USP6: variants seen among roughly 807,000 people sequenced by gnomAD.
USP6 encodes the protein ubiquitin specific peptidase 6, also known as ubiquitin carboxyl-terminal hydrolase 6.
A neutral mutation model predicts 175.7 loss-of-function variants in USP6; 128 were observed. The ratio of observed to expected loss-of-function variants is 0.73; its 90% CI spans 0.63 to 0.84. USP6 has a LOEUF of 0.84. Among genes scored for constraint, USP6 ranks in the 40% least tolerant of loss-of-function variants. The pLI is 0.00. For synonymous variants in USP6, 562 were observed against 630.6 expected (o/e 0.89, Z 1.63); for missense variants, 1,498 against 1,760.3 (o/e 0.85, Z 2.67).
At chr17:5,122,675 CG>C (rs554682320) in intron 4 of USP6, among the ~76,000 whole-genome samples, 62 of 152,298 alleles carry the variant, frequency 4.1e-4, no homozygotes, top group African/African-American at 1.4e-3. Context: ...CCGCCCTTCC[CG>C]GGAACAAAAG....
chr17:5,122,417 T>C (rs2072707289), intron 4 of USP6, among the ~76,000 whole-genome samples: 1 of 152,206 alleles, frequency 6.6e-6, no homozygotes, highest in Admixed American at 6.5e-5. Flanking sequence ...CAGCTGGCAG[T>C]ATCCTGGAGT....
chr17:5,164,597 T>C (rs1381913428), intron 33 of USP6, among the ~76,000 whole-genome samples: 3 of 152,364 alleles, frequency 2.0e-5, no homozygotes, highest in East Asian at 3.9e-4. Context: ...ATCCTGCTTA[T>C]AGGAAACGGC....
At position 5,173,103 on chromosome 17, in the gene USP6, T is replaced by C; in HGVS notation, c.*125T>C. The C allele has an allele frequency of 8.2e-7, 1 of 1,226,424 alleles. No homozygotes were observed. Among genetic ancestry groups the C allele is most frequent in the Non-Finnish European group, 1.1e-6 (1 of 894,638 alleles). 76.0% of individuals were successfully genotyped at this position (1,226,424 alleles called of 1,614,324 possible). ...TTATTTTATCCTGTTAGAACAAAAA[T>C]TCTAATTAAAATAGTTAACTTGAAG... is the stretch of plus-strand genomic sequence containing the variant. On this transcript the variant is annotated 3_prime_UTR_variant, in exon 38 of 38. Coordinates refer to ENST00000574788, the MANE Select transcript of USP6 (RefSeq NM_001304284.2).
chr17:5,129,494 C>T (rs2072993995), intron 8 of USP6: 1 of 152,636 alleles, frequency 6.6e-6, no homozygotes, highest in Non-Finnish European at 1.5e-5. Flanking sequence ...GTGAAGGAGC[C>T]CTGGAGAGCT....
chr17:5,146,185 C>G lies in USP6; in HGVS notation c.2319+11C>G, dbSNP rs1415132239. 3.1e-6 allele frequency: 5 copies of G among 1,597,404 alleles called. No individual in the cohort carries two copies. The highest frequency in any genetic ancestry group is 4.3e-6 in the Non-Finnish European group (5 of 1,170,900). The stretch of plus-strand genomic sequence containing the variant: ...GATTCCAACATAAAGGTAATGTTAA[C>G]TACTCTAAGAAACTTTTGATTCTAT... On this transcript the variant is annotated intron_variant, in intron 28 of 37. Transcript: ENST00000574788.
intron 8 of USP6, chr17:5,129,715 A>G (rs1481303488): frequency 1.3e-5 from 2 of 154,768 alleles, no homozygotes; most frequent in Non-Finnish European, 2.9e-5. Flanking sequence ...GGGACAGCTC[A>G]GAATGGTGGA....
At chr17:5,156,074 T>C (rs2073877608) in intron 31 of USP6, among the ~76,000 whole-genome samples, 1 of 152,256 alleles carries the variant, frequency 6.6e-6, no homozygotes, top group African/African-American at 2.4e-5. Context: ...AATAATTCTG[T>C]TGGATTATTT....
intron 11 of USP6, among the ~76,000 whole-genome samples, chr17:5,131,719 A>G (rs2073074598): frequency 6.6e-6 from 1 of 151,018 alleles, no homozygotes; most frequent in Non-Finnish European, 1.5e-5. Flanking sequence ...TGGTGCTGGG[A>G]AGGGATCTGG....
intron 30 of USP6, among the ~76,000 whole-genome samples, chr17:5,153,450 C>T (rs2073817506): frequency 6.6e-6 from 1 of 150,412 alleles, no homozygotes; most frequent in African/African-American, 2.5e-5. Context: ...CCACGCCCGG[C>T]TAATTTTGTA....
chr17:5,150,365 A>G (rs2073735312), intron 30 of USP6, among the ~76,000 whole-genome samples: 1 of 151,502 alleles, frequency 6.6e-6, no homozygotes, highest in African/African-American at 2.4e-5. Context: ...TAGGGCTTCT[A>G]GATCAAGTAA....
chr17:5,163,960 A>C (rs1280570971), intron 33 of USP6, among the ~76,000 whole-genome samples: 1 of 152,234 alleles, frequency 6.6e-6, no homozygotes, highest in Non-Finnish European at 1.5e-5. Flanking sequence ...CTTCAGAAAT[A>C]ATTTTAATTC....
chr17:5,133,261 A>T (rs1385580708), intron 13 of USP6, among the ~76,000 whole-genome samples, 182 bp from the exon 14 acceptor site: 3 of 152,010 alleles, frequency 2.0e-5, no homozygotes, highest in Admixed American at 2.0e-4. Context: ...TTCGGATCAG[A>T]GTTTAGACTC....
At chr17:5,119,775 TGA>T (rs1226487812) in intron 2 of USP6, among the ~76,000 whole-genome samples, 2 of 152,164 alleles carry the variant, frequency 1.3e-5, no homozygotes, top group Non-Finnish European at 2.9e-5. Flanking sequence ...GCACTACAAG[TGA>T]CTCACAGCCA....
chr17:5,141,483 AATAG>A lies in USP6; in HGVS notation c.1563_1566del (p.Arg522LysfsTer12), dbSNP rs368680364. The A allele has an allele frequency of 1.2e-3, 1,928 of 1,605,438 alleles. 20 individuals carry two copies. The African/African-American group carries it at 0.022, about 18-fold the overall frequency. On this transcript the variant is annotated frameshift_variant, in exon 23 of 38. Coordinates refer to ENST00000574788, the MANE Select transcript of USP6 (RefSeq NM_001304284.2). LOFTEE classifies it high-confidence loss of function. ...TGTCTTTTACAGCAAATAGTAGTAA[AATAG>A]ATAGACAAAAGGGTAAGTCTCCAGT...
At chr17:5,128,687 CG>C (rs1343915565) in intron 7 of USP6, 1 of 152,610 alleles carries the variant, frequency 6.6e-6, no homozygotes, top group African/African-American at 2.4e-5. Context: ...GGCATGTTGA[CG>C]CCTCAGGCAG....
At position 5,144,852 on chromosome 17, in the gene USP6, G is replaced by T; in HGVS notation, c.1981G>T (p.Val661Leu). The T allele has an allele frequency of 6.3e-7, 1 of 1,599,368 alleles. No individual in the cohort carries two copies. Among genetic ancestry groups the T allele is most frequent in the Non-Finnish European group, 8.6e-7 (1 of 1,169,024 alleles). Residue 661 changes from valine (V) to leucine (L), a missense_variant, in exon 26 of 38, where the codon GTA (valine) becomes TTA (leucine). By Grantham distance (32) the Val-to-Leu change is conservative (BLOSUM62 1). This residue lies in a region of USP6 where 1,217 missense variants were observed against 1,500.8 expected (regional missense o/e 0.81). Transcript: ENST00000574788. ...KDSDGRPDWE[V>L]AAEAWDNHLR... ...CAGTGATGGCCGACCAGACTGGGAA[G>T]TAGCTGCAGAGGTTTGTCAGTTTTG...
In USP6 at chr17:5,121,629, T is replaced by C; in HGVS notation, c.-1420T>C. ...CATCAGAAGCATGGAGCAGCAGCTG[T>C]GCGAGCTCTGCTGCGACGCGGAGCA... On this transcript the variant is annotated 5_prime_UTR_variant, in exon 4 of 38. Coordinates refer to ENST00000574788, the MANE Select transcript of USP6 (RefSeq NM_001304284.2). 1 of 160,966 alleles carries C rather than the reference T, an allele frequency of 6.2e-6. No homozygotes were observed. The highest frequency in any genetic ancestry group is 1.7e-4 in the South Asian group (1 of 5,770). The allele number at this position is 160,966 out of a possible 1,614,324, so 10.0% of individuals were successfully genotyped here. A position where few individuals can be genotyped will look rare whatever the true frequency, so the allele number is the denominator to read the frequency against.
Position 5,130,629 on chromosome 17 carries a change from A to C in USP6, c.100A>C (p.Lys34Gln). The change falls in exon 11 of 38, where the codon AAG (lysine) becomes CAG (glutamine). Residue 34 changes from lysine to glutamine, a missense_variant. Coordinates refer to ENST00000574788, the MANE Select transcript of USP6 (RefSeq NM_001304284.2). ...ACACCGAGCTGGGCTGCCAGAGGAC[A>C]AGGGGCCTGAGCCCGTTGGAATCAA... Reference protein sequence around the residue: ...KGHRAGLPEDKGPEPVGINSS... With the variant: ...KGHRAGLPEDQGPEPVGINSS... 1 of 1,613,940 alleles carries C rather than the reference A, an allele frequency of 6.2e-7. No individual in the cohort carries two copies. The highest frequency in any genetic ancestry group is 2.2e-5 in the East Asian group (1 of 44,876).
In USP6 at chr17:5,130,100, A is replaced by C. The variant is rs866030878; in HGVS notation, c.-2+11A>C. On this transcript the variant is annotated intron_variant, in intron 9 of 37. Coordinates refer to ENST00000574788, the MANE Select transcript of USP6 (RefSeq NM_001304284.2). ...AACCTGCCGGGGCAGGTGTGTGCCC[A>C]TTTCATGGCATATGGGGACAACCGG... 39 of 474,304 alleles carry C rather than the reference A, an allele frequency of 8.2e-5. No individual in the cohort carries two copies. Among genetic ancestry groups the C allele is most frequent in the South Asian group, 1.8e-4 (8 of 45,524 alleles). The allele number at this position is 474,304 out of a possible 1,614,324, so 29.4% of individuals were successfully genotyped here.
Sources: gnomAD v4.1 joint callset for allele counts (sites outside exome capture counted in the v4.1 genomes callset) on GRCh38, gnomAD v4.1.1 for gene constraint, gnomAD v4.1.1 regional missense constraint, MANE v1.5 for transcripts, NCBI Gene and HGNC (gene_info 2026-07-23, HGNC 2026-07-21) for gene names.